Variants in PDGFD observed in about 807,000 individuals in gnomAD.
PDGFD encodes the protein platelet-derived growth factor D.
Under a neutral mutation model 44.7 loss-of-function variants are expected in PDGFD, and 30 were observed. That is an observed-to-expected ratio of 0.67 (90% CI 0.50 to 0.91). The LOEUF (loss-of-function observed/expected upper bound fraction) is 0.91. Among genes scored for constraint, PDGFD ranks in the 40% least tolerant of loss-of-function variants. The probability of loss-of-function intolerance (pLI) is 0.00; values close to 1 mark genes in which losing one functional copy is unlikely to be tolerated. For missense variants in PDGFD, 445 were observed against 457.8 expected, an observed-to-expected ratio of 0.97 and a Z score of 0.25; for synonymous variants, 173 against 168.4, an observed-to-expected ratio of 1.03 and a Z score of -0.21.
Position 104,071,574 on chromosome 11 carries a change from G to GT in PDGFD, c.125-71320dup, listed in dbSNP as rs1860878020. ...TATCCCTTTGTCTATTATAAATATTGTAAGTATTTTCTCCTAGTTGTTTTT... is the reference window on the plus strand; with the variant it reads ...TATCCCTTTGTCTATTATAAATATTGTTAAGTATTTTCTCCTAGTTGTTTTT... On this transcript the variant is annotated intron_variant, in intron 1 of 6. Coordinates refer to ENST00000393158, the MANE Select transcript of PDGFD (RefSeq NM_025208.5). Among the ~76,000 whole-genome samples the GT allele has an allele frequency of 2.0e-5, 3 of 151,618 alleles. No homozygotes were observed. The South Asian group carries it at 6.2e-4, about 31-fold the overall frequency.
chr11:104,068,189 T>C (rs917361697), intron 1 of PDGFD, among the ~76,000 whole-genome samples: 1 of 152,126 alleles, frequency 6.6e-6, no homozygotes, highest in African/African-American at 2.4e-5. Context: ...CCACACCTTA[T>C]ATGGTGGAAA....
At chr11:104,112,737 T>G (rs770418562) in intron 1 of PDGFD, among the ~76,000 whole-genome samples, 2 of 152,106 alleles carry the variant, frequency 1.3e-5, no homozygotes, top group Non-Finnish European at 2.9e-5. Flanking sequence ...TGAATGGAAC[T>G]GGAGACCATT....
In PDGFD at chr11:104,163,870, C is replaced by T; in HGVS notation, c.58G>A (p.Asp20Asn). ...LICANFCSCR[D>N]TSATPQSASI... ...GCGCTCTGCGGGGTTGCAGAAGTGT[C>T]CCGACAGCTGCAAAAGTTTGCGCAG... is the stretch of plus-strand genomic sequence containing the variant. The change falls in exon 1 of 7, where the codon GAC becomes AAC. Residue 20 changes from aspartate (D) to asparagine (N), a missense_variant. Asp to Asn is a conservative substitution (Grantham distance 23). Coordinates refer to ENST00000393158, the MANE Select transcript of PDGFD (RefSeq NM_025208.5). 1 of 1,578,540 alleles carries T rather than the reference C, an allele frequency of 6.3e-7. No homozygotes were observed. The highest frequency in any genetic ancestry group is 1.1e-5 in the South Asian group (1 of 87,164).
intron 1 of PDGFD, among the ~76,000 whole-genome samples, chr11:104,030,973 C>T (rs1249711775): frequency 6.6e-6 from 1 of 152,254 alleles, no homozygotes; most frequent in Non-Finnish European, 1.5e-5. Flanking sequence ...TATATTACAT[C>T]TTATATGAAA....
At position 104,132,584 on chromosome 11, in the gene PDGFD, G is replaced by A. The variant is rs139464164; in HGVS notation, c.124+31220C>T. 7.3e-3 allele frequency among the ~76,000 whole-genome samples: 1,109 copies of A among 152,108 alleles called. 7 individuals carry two copies. The highest frequency in any genetic ancestry group is 0.024 in the African/African-American group (995 of 41,526). ...TCTTCATGCTCCATAACATGAGTAA[G>A]AGAGGCTTATAAAGCCATTCTAGAA... On this transcript the variant is annotated intron_variant, in intron 1 of 6. Transcript: ENST00000393158.
chr11:104,094,210 T>A (rs1165652551), intron 1 of PDGFD, among the ~76,000 whole-genome samples: 1 of 151,970 alleles, frequency 6.6e-6, no homozygotes, highest in Non-Finnish European at 1.5e-5. Flanking sequence ...TATCAGCACA[T>A]CTTCTTGATT....
Position 103,926,946 on chromosome 11 carries a change from C to T in PDGFD, c.953G>A (p.Cys318Tyr). The T allele has an allele frequency of 6.2e-7, 1 of 1,614,162 alleles. No homozygotes were observed. The change falls in exon 6 of 7, where the codon TGC becomes TAC. Residue 318 changes from cysteine to tyrosine, a missense_variant. Physicochemically the swap from Cys to Tyr is radical, Grantham distance 194. Transcript: ENST00000393158. ...CTTTTTCACGGTTTTCCCTGAATTG[C>T]ATGTGCAGGACCTCCAGTTGACAGT... ...CGTVNWRSCT[C>Y]NSGKTVKKYH...
At chr11:104,080,515 T>C (rs141564667) in intron 1 of PDGFD, among the ~76,000 whole-genome samples, 1 of 152,316 alleles carries the variant, frequency 6.6e-6, no homozygotes, top group African/African-American at 2.4e-5. Flanking sequence ...TTGGAGAGAT[T>C]TGACATTCGC....
intron 3 of PDGFD, among the ~76,000 whole-genome samples, chr11:103,981,457 T>C (rs1859272154): frequency 6.6e-6 from 1 of 151,802 alleles, no homozygotes; most frequent in African/African-American, 2.4e-5. Flanking sequence ...ATGGTAATAG[T>C]AATAATAACA....
chr11:104,141,792 A>T (rs956419417), intron 1 of PDGFD, among the ~76,000 whole-genome samples: 2 of 152,188 alleles, frequency 1.3e-5, no homozygotes, highest in Non-Finnish European at 2.9e-5. Flanking sequence ...TCCGCAGCCA[A>T]GAGCAGGTAA....
chr11:104,156,105 T>C (rs1448194442), intron 1 of PDGFD, among the ~76,000 whole-genome samples: 1 of 152,228 alleles, frequency 6.6e-6, no homozygotes, highest in Admixed American at 6.5e-5. Flanking sequence ...GTTAATTAGT[T>C]TGATTTAGTC....
At chr11:104,017,968 A>G (rs1859885151) in intron 1 of PDGFD, among the ~76,000 whole-genome samples, 1 of 152,162 alleles carries the variant, frequency 6.6e-6, no homozygotes. Flanking sequence ...TTCTCACAAG[A>G]CAGAGATTTT....
intron 3 of PDGFD, among the ~76,000 whole-genome samples, chr11:103,971,671 T>C (rs537936087): frequency 1.1e-4 from 17 of 152,178 alleles, no homozygotes; most frequent in East Asian, 1.9e-4. Context: ...TTTCAAACGA[T>C]TGCCACAAAA....
At chr11:104,111,446 C>T (rs1007537254) in intron 1 of PDGFD, among the ~76,000 whole-genome samples, 3 of 151,576 alleles carry the variant, frequency 2.0e-5, no homozygotes, top group Non-Finnish European at 4.4e-5. Context: ...TCTGTAGGGA[C>T]AGGGTCCTGC....
intron 1 of PDGFD, among the ~76,000 whole-genome samples, chr11:104,146,676 G>A (rs745900956): frequency 6.6e-6 from 1 of 152,178 alleles, no homozygotes; most frequent in East Asian, 1.9e-4. Flanking sequence ...AGCCTCATTA[G>A]CATCAAAGTT....
intron 3 of PDGFD, among the ~76,000 whole-genome samples, chr11:103,987,239 G>A (rs936784343): frequency 3.3e-5 from 5 of 152,070 alleles, no homozygotes; most frequent in African/African-American, 9.7e-5. Flanking sequence ...TCAAAGCAGC[G>A]GGTAAGGTGA....
intron 1 of PDGFD, among the ~76,000 whole-genome samples, chr11:104,111,608 T>C (rs1861559398): frequency 6.6e-6 from 1 of 152,158 alleles, no homozygotes; most frequent in Non-Finnish European, 1.5e-5. Flanking sequence ...TATACCATTT[T>C]AGGTTCTGGA....
chr11:103,986,762 G>A (rs962359940), intron 3 of PDGFD, among the ~76,000 whole-genome samples: 1 of 152,176 alleles, frequency 6.6e-6, no homozygotes, highest in Non-Finnish European at 1.5e-5. Context: ...TGTCTTTACA[G>A]GACTAAGAAA....
chr11:103,998,943 T>C (rs1437854343), intron 2 of PDGFD, among the ~76,000 whole-genome samples: 1 of 152,320 alleles, frequency 6.6e-6, no homozygotes. Flanking sequence ...AATAATCTTT[T>C]AATAGCGTCT....
Sources: allele counts gnomAD v4.1 joint callset (sites outside exome capture counted in the v4.1 genomes callset), GRCh38; gene constraint gnomAD v4.1.1; transcripts MANE v1.5; gene names NCBI Gene and HGNC (gene_info 2026-07-23, HGNC 2026-07-21).